The following SDK1 variants were observed in gnomAD, a reference collection of about 807,000 sequenced individuals.
The protein encoded by SDK1 is protein sidekick-1.
In SDK1, 157 loss-of-function variants were observed where a neutral mutation model predicts 245.5. That is an observed-to-expected ratio of 0.64 (90% CI 0.56 to 0.73). The LOEUF is 0.73. SDK1 is among the 30% of genes least tolerant of loss of function. The probability of loss-of-function intolerance (pLI) is 0.00; values close to 1 mark genes in which losing one functional copy is unlikely to be tolerated. For missense variants in SDK1, 3,583 were observed against 3,002.3 expected, an observed-to-expected ratio of 1.19 and a Z score of -4.52; for synonymous variants, 1,647 against 1,278.5, an observed-to-expected ratio of 1.29 and a Z score of -6.15.
At chr7:3,567,758 G>A (rs1375323004) in intron 1 of SDK1, among the ~76,000 whole-genome samples, 1 of 152,184 alleles carries the variant, frequency 6.6e-6, no homozygotes, top group Non-Finnish European at 1.5e-5. Flanking sequence ...TTTGATGGCT[G>A]CATAACATTC....
At chr7:4,016,339 T>TG (rs1786398868) in intron 16 of SDK1, among the ~76,000 whole-genome samples, 1 of 152,242 alleles carries the variant, frequency 6.6e-6, no homozygotes, top group South Asian at 2.1e-4. Flanking sequence ...TCACTCCTAC[T>TG]GGGCATGCCC....
intron 14 of SDK1, among the ~76,000 whole-genome samples, chr7:4,006,369 A>G (rs1457791634): frequency 2.0e-5 from 3 of 152,160 alleles, no homozygotes; most frequent in African/African-American, 4.8e-5. Context: ...GGGGAGGAAA[A>G]AAGGTATTAA....
chr7:3,857,557 C>A (rs1401085739), intron 5 of SDK1, among the ~76,000 whole-genome samples: 1 of 151,882 alleles, frequency 6.6e-6, no homozygotes, highest in Non-Finnish European at 1.5e-5. Context: ...TGTGGTGGTG[C>A]ATGCCTGTAG....
At chr7:3,429,760 C>CTTTT (rs1237597039) in intron 1 of SDK1, among the ~76,000 whole-genome samples, 85 of 143,338 alleles carry the variant, frequency 5.9e-4, no homozygotes, top group African/African-American at 2.1e-3. Context: ...CCATGTCTGG[C>CTTTT]TTTTTTTTTT....
intron 1 of SDK1, among the ~76,000 whole-genome samples, chr7:3,462,546 C>CTTTATTGGCTTGTTTG: frequency 6.6e-6 from 1 of 152,154 alleles, no homozygotes; most frequent in Non-Finnish European, 1.5e-5. Context: ...CGTCTATCTA[C>CTTTATTGGCTTGTTTG]CTGTTAACTT....
intron 44 of SDK1, among the ~76,000 whole-genome samples, chr7:4,256,635 C>G (rs570856491): frequency 1.3e-5 from 2 of 152,254 alleles, no homozygotes; most frequent in South Asian, 4.1e-4. Context: ...CAATATAAAC[C>G]GAAATGTTGG....
At chr7:3,804,083 G>C (rs1418318166) in intron 4 of SDK1, among the ~76,000 whole-genome samples, 2 of 152,124 alleles carry the variant, frequency 1.3e-5, no homozygotes, top group Non-Finnish European at 2.9e-5. Context: ...TCTTAATAGA[G>C]TCTTTCACAG....
intron 4 of SDK1, among the ~76,000 whole-genome samples, chr7:3,768,220 C>T (rs917955784): frequency 1.3e-5 from 2 of 152,154 alleles, no homozygotes; most frequent in Non-Finnish European, 2.9e-5. Flanking sequence ...TAGACTGCAA[C>T]CATACTTCTC....
intron 5 of SDK1, among the ~76,000 whole-genome samples, chr7:3,933,486 G>C (rs892384861): frequency 4.6e-5 from 7 of 152,192 alleles, no homozygotes; most frequent in African/African-American, 1.4e-4. Context: ...CAAAGGATGT[G>C]GTTAGCTTCA....
chr7:3,515,960 T>G (rs1782733647), intron 1 of SDK1, among the ~76,000 whole-genome samples: 1 of 152,126 alleles, frequency 6.6e-6, no homozygotes, highest in South Asian at 2.1e-4. Flanking sequence ...GTAGTATAAT[T>G]AGGGCTTTCT....
At chr7:4,235,210 GC>G in intron 41 of SDK1, among the ~76,000 whole-genome samples, 1 of 150,638 alleles carries the variant, frequency 6.6e-6, no homozygotes, top group Non-Finnish European at 1.5e-5. Flanking sequence ...TGTTGCCCAG[GC>G]TGGAGTGCAG....
chr7:3,427,550 T>C (rs1000103932), intron 1 of SDK1, among the ~76,000 whole-genome samples: 2 of 151,142 alleles, frequency 1.3e-5, no homozygotes, highest in Non-Finnish European at 3.0e-5. Flanking sequence ...ATCAGAAGAA[T>C]TGAGAATTAA....
intron 26 of SDK1, chr7:4,129,575 T>G: frequency 1.2e-6 from 1 of 853,444 alleles, no homozygotes; most frequent in South Asian, 2.6e-5. Context: ...AAGCAGAGTG[T>G]TGTCTGTGTT....
intron 1 of SDK1, among the ~76,000 whole-genome samples, chr7:3,361,074 AACCG>A (rs1780938273): frequency 6.6e-6 from 1 of 152,194 alleles, no homozygotes; most frequent in Non-Finnish European, 1.5e-5. Context: ...GTACTTTAAA[AACCG>A]TATTGATCAA....
intron 4 of SDK1, among the ~76,000 whole-genome samples, chr7:3,680,493 G>GT (rs1784066101): frequency 6.6e-6 from 1 of 152,198 alleles, no homozygotes; most frequent in Non-Finnish European, 1.5e-5. Context: ...TGAAATCTAA[G>GT]TGAGGTCTGG....
chr7:3,781,748 G>C (rs1052354621), intron 4 of SDK1, among the ~76,000 whole-genome samples: 1 of 152,072 alleles, frequency 6.6e-6, no homozygotes, highest in African/African-American at 2.4e-5. Context: ...ACAAATCTTA[G>C]AGATGAAAAA....
intron 22 of SDK1, among the ~76,000 whole-genome samples, chr7:4,097,516 C>G (rs934831162): frequency 3.9e-5 from 6 of 152,298 alleles, no homozygotes; most frequent in Middle Eastern, 3.4e-3. Flanking sequence ...CAGACATAGC[C>G]CCAGACAGAT....
intron 1 of SDK1, among the ~76,000 whole-genome samples, chr7:3,459,764 A>G (rs1244893998): frequency 6.6e-6 from 1 of 152,204 alleles, no homozygotes; most frequent in African/African-American, 2.4e-5. Context: ...GGTTTAGACC[A>G]GTTGTGATCC....
intron 5 of SDK1, among the ~76,000 whole-genome samples, chr7:3,845,834 G>T (rs1780264558): frequency 2.6e-5 from 4 of 152,080 alleles, no homozygotes; most frequent in Non-Finnish European, 4.4e-5. Context: ...ATAAATTACT[G>T]GTACATTTAG....
Sources: gnomAD v4.1 joint callset for allele counts (sites outside exome capture counted in the v4.1 genomes callset) on GRCh38, gnomAD v4.1.1 for gene constraint, MANE v1.5 for transcripts, NCBI Gene and HGNC (gene_info 2026-07-23, HGNC 2026-07-21) for gene names.